Variants in DLG2 observed in about 807,000 individuals in gnomAD.
DLG2 encodes the protein disks large homolog 2.
A neutral mutation model predicts 132.5 loss-of-function variants in DLG2; 45 were observed. The observed-to-expected ratio is 0.34, with a 90% confidence interval of 0.27 to 0.44. DLG2 has a LOEUF of 0.44. Ranked by LOEUF, DLG2 falls within the 20% of genes least tolerant of loss-of-function variation. DLG2 has a pLI of 1.00. For synonymous variants in DLG2, 424 were observed against 419.6 expected, an observed-to-expected ratio of 1.01 and a Z score of -0.13; for missense variants, 1,045 against 1,196.9, an observed-to-expected ratio of 0.87 and a Z score of 1.87.
chr11:84,293,343 CA>C, intron 7 of DLG2, among the ~76,000 whole-genome samples: 1 of 151,846 alleles, frequency 6.6e-6, no homozygotes, highest in South Asian at 2.1e-4. Context: ...AAATATAAGA[CA>C]AAAGGTCATC....
At chr11:84,689,297 A>T (rs994292040) in intron 6 of DLG2, among the ~76,000 whole-genome samples, 1 of 152,056 alleles carries the variant, frequency 6.6e-6, no homozygotes, top group Non-Finnish European at 1.5e-5. Context: ...TGGGACCAAC[A>T]TTCAGAATGG....
At chr11:85,021,701 ATC>A in intron 6 of DLG2, 3 of 892,798 alleles carry the variant, frequency 3.4e-6, no homozygotes, top group South Asian at 2.9e-5. Flanking sequence ...GTGGCTGAAG[ATC>A]AAAAAAAATC....
chr11:84,268,086 C>T (rs912113175), intron 7 of DLG2, among the ~76,000 whole-genome samples: 1 of 152,184 alleles, frequency 6.6e-6, no homozygotes, highest in African/African-American at 2.4e-5. Context: ...TAGTAACATA[C>T]TCTCATTTCA....
chr11:83,943,952 G>C (rs1292456235), intron 14 of DLG2, among the ~76,000 whole-genome samples: 1 of 152,132 alleles, frequency 6.6e-6, no homozygotes, highest in Non-Finnish European at 1.5e-5. Context: ...ACTGCTACAG[G>C]ATTAAATGAG....
At chr11:85,621,832 TATTAC>T (rs1293495044) in intron 2 of DLG2, among the ~76,000 whole-genome samples, 1 of 152,242 alleles carries the variant, frequency 6.6e-6, no homozygotes, top group African/African-American at 2.4e-5. Flanking sequence ...GGGTTTAGAA[TATTAC>T]ATACACTTAG....
chr11:85,000,102 C>T (rs2058065027), intron 6 of DLG2, among the ~76,000 whole-genome samples: 1 of 152,082 alleles, frequency 6.6e-6, no homozygotes, highest in African/African-American at 2.4e-5. Context: ...TGGATTTTGT[C>T]CGTTTACCTT....
At chr11:85,517,512 T>A (rs936590045) in intron 3 of DLG2, among the ~76,000 whole-genome samples, 1 of 152,070 alleles carries the variant, frequency 6.6e-6, no homozygotes, top group East Asian at 1.9e-4. Context: ...GGTGATGATA[T>A]GATCATACAC....
intron 8 of DLG2, among the ~76,000 whole-genome samples, chr11:84,220,838 G>A (rs11233954): frequency 0.24 from 21,365 of 87,718 alleles, 1,792 homozygotes; most frequent in Admixed American, 0.35. Flanking sequence ...CTGAAATTCA[G>A]TAGTATGATC....
rs182911312 is a variant in DLG2, at chr11:84,344,831, A to T, written c.520-93540T>A. Among the ~76,000 whole-genome samples the T allele has an allele frequency of 7.1e-4, 108 of 152,220 alleles. 1 individual carries two copies. Among genetic ancestry groups the T allele is most frequent in the African/African-American group, 2.4e-3 (100 of 41,544 alleles). ...ACCCTCATCAGAAAGGCAATTTCAC[A>T]TTTTTACTGCATTTTGCATTTCCAT... On this transcript the variant is annotated intron_variant, in intron 7 of 27. Coordinates refer to ENST00000376104, the MANE Select transcript of DLG2 (RefSeq NM_001142699.3).
At chr11:84,983,297 G>T (rs963543634) in intron 6 of DLG2, among the ~76,000 whole-genome samples, 4 of 152,166 alleles carry the variant, frequency 2.6e-5, no homozygotes, top group African/African-American at 7.2e-5. Flanking sequence ...GAGACCCACA[G>T]ACGGTTCACA....
intron 6 of DLG2, among the ~76,000 whole-genome samples, chr11:84,882,875 G>A (rs2087578319): frequency 6.6e-6 from 1 of 152,014 alleles, no homozygotes; most frequent in African/African-American, 2.4e-5. Context: ...TAGAGAGGAT[G>A]ACTAAATCCA....
chr11:84,101,428 G>A (rs1483714771), intron 9 of DLG2, among the ~76,000 whole-genome samples: 1 of 152,136 alleles, frequency 6.6e-6, no homozygotes, highest in Non-Finnish European at 1.5e-5. Context: ...CCAAATGACT[G>A]TGTTAGTATT....
At chr11:85,582,401 G>A (rs1386687658) in intron 3 of DLG2, among the ~76,000 whole-genome samples, 1 of 151,916 alleles carries the variant, frequency 6.6e-6, no homozygotes. Flanking sequence ...AAGAGTGGGT[G>A]GCTAAGATGC....
intron 17 of DLG2, chr11:83,790,833 TC>T: frequency 2.7e-6 from 2 of 754,094 alleles, no homozygotes; most frequent in Non-Finnish European, 4.9e-6. Flanking sequence ...CACAGAGACT[TC>T]CATGGTAGAA....
chr11:83,587,259 T>G (rs1441339957), intron 19 of DLG2, among the ~76,000 whole-genome samples: 1 of 151,990 alleles, frequency 6.6e-6, no homozygotes, highest in Non-Finnish European at 1.5e-5. Context: ...CATCTAACAT[T>G]GAATTTGCTA....
chr11:85,349,083 A>G (rs2083080369), intron 3 of DLG2, among the ~76,000 whole-genome samples: 1 of 152,130 alleles, frequency 6.6e-6, no homozygotes, highest in African/African-American at 2.4e-5. Context: ...GTGGTTGGAC[A>G]TGCCTCTTTA....
At chr11:85,267,267 C>T (rs896416899) in intron 4 of DLG2, among the ~76,000 whole-genome samples, 1 of 152,180 alleles carries the variant, frequency 6.6e-6, no homozygotes, top group Non-Finnish European at 1.5e-5. Flanking sequence ...AGAAACAGGG[C>T]TTTTACCAGG....
intron 7 of DLG2, among the ~76,000 whole-genome samples, chr11:84,529,064 T>G (rs1454737526): frequency 6.6e-6 from 1 of 152,186 alleles, no homozygotes; most frequent in African/African-American, 2.4e-5. Context: ...AACGGACTTT[T>G]TTTTTCCCCT....
intron 3 of DLG2, among the ~76,000 whole-genome samples, chr11:85,556,977 G>T (rs1489933698): frequency 4.0e-5 from 6 of 151,692 alleles, no homozygotes; most frequent in African/African-American, 1.2e-4. Flanking sequence ...GAAATAAAAA[G>T]CTCCAAATAA....
Sources: allele counts gnomAD v4.1 joint callset (sites outside exome capture counted in the v4.1 genomes callset), GRCh38; gene constraint gnomAD v4.1.1; transcripts MANE v1.5; gene names NCBI Gene and HGNC (gene_info 2026-07-23, HGNC 2026-07-21).